NR3C2: variants seen among roughly 807,000 people sequenced by gnomAD.
NR3C2 encodes mineralocorticoid receptor.
Under a neutral mutation model 86.4 loss-of-function variants are expected in NR3C2, and 15 were observed. The observed-to-expected ratio is 0.17, with a 90% confidence interval of 0.12 to 0.27. The LOEUF (loss-of-function observed/expected upper bound fraction) is 0.27. Among genes scored for constraint, NR3C2 ranks in the 10% least tolerant of loss-of-function variants. The pLI is 1.00. For missense variants in NR3C2, 960 were observed against 1,195.6 expected (o/e 0.80, Z 2.91); for synonymous variants, 458 against 450.5 (o/e 1.02, Z -0.21).
intron 4 of NR3C2, among the ~76,000 whole-genome samples, chr4:148,156,664 G>A (rs569937130): frequency 5.1e-4 from 76 of 148,606 alleles, no homozygotes; most frequent in African/African-American, 1.8e-3. Context: ...AACAGGTGCT[G>A]GAGAGGATGT....
At chr4:148,362,248 G>A (rs1383593666) in intron 2 of NR3C2, among the ~76,000 whole-genome samples, 1 of 152,136 alleles carries the variant, frequency 6.6e-6, no homozygotes, top group East Asian at 1.9e-4. Context: ...AAGTTCTAGT[G>A]TTCTGTACCA....
intron 2 of NR3C2, among the ~76,000 whole-genome samples, chr4:148,265,441 T>C (rs554000127): frequency 5.8e-4 from 89 of 152,228 alleles, no homozygotes; most frequent in Non-Finnish European, 1.1e-3. Flanking sequence ...AATTGGCTCA[T>C]TGAGAATCTC....
In NR3C2 at chr4:148,345,408, G is replaced by A. The variant is rs116183850; in HGVS notation, c.1758-85291C>T. ...TTGGCAAGAGTAAAAAAAATACATCGTTTTTCAATGGAAAATAAAATTCAT... is the reference window on the plus strand; with the variant it reads ...TTGGCAAGAGTAAAAAAAATACATCATTTTTCAATGGAAAATAAAATTCAT... On this transcript the variant is annotated intron_variant, in intron 2 of 8. Transcript: ENST00000358102. Among the ~76,000 whole-genome samples, 1,289 of 151,868 alleles carry A rather than the reference G, an allele frequency of 8.5e-3. 21 individuals carry two copies. The highest frequency in any genetic ancestry group is 0.028 in the African/African-American group (1,163 of 41,440).
At chr4:148,403,370 A>C (rs180930171) in intron 2 of NR3C2, among the ~76,000 whole-genome samples, 8 of 152,174 alleles carry the variant, frequency 5.3e-5, no homozygotes, top group Middle Eastern at 6.8e-3. Context: ...TCTTTATTAC[A>C]GACTAAATCC....
intron 8 of NR3C2, among the ~76,000 whole-genome samples, chr4:148,086,065 A>G (rs1412548211): frequency 2.0e-5 from 3 of 152,224 alleles, no homozygotes; most frequent in Non-Finnish European, 4.4e-5. Flanking sequence ...AGGAGCTGGT[A>G]CCATTCCTTC....
At chr4:148,170,305 T>C (rs1735064351) in intron 4 of NR3C2, among the ~76,000 whole-genome samples, 1 of 152,190 alleles carries the variant, frequency 6.6e-6, no homozygotes, top group Non-Finnish European at 1.5e-5. Context: ...ACTAGAAAGA[T>C]CATGAAATAT....
At chr4:148,098,897 C>T (rs1318916453) in intron 8 of NR3C2, among the ~76,000 whole-genome samples, 3 of 152,206 alleles carry the variant, frequency 2.0e-5, no homozygotes, top group South Asian at 2.1e-4. Context: ...GTGTCTCACT[C>T]CTTATGAAAT....
intron 3 of NR3C2, among the ~76,000 whole-genome samples, chr4:148,234,405 C>T (rs187656941): frequency 2.8e-4 from 43 of 152,172 alleles, no homozygotes; most frequent in Non-Finnish European, 5.1e-4. Context: ...GGGGCAGTGG[C>T]TCAAGCCTGT....
intron 2 of NR3C2, among the ~76,000 whole-genome samples, chr4:148,335,411 A>G (rs561965984): frequency 6.6e-6 from 1 of 152,326 alleles, no homozygotes; most frequent in African/African-American, 2.4e-5. Context: ...GTAATGAGAA[A>G]ATTTCTAGAC....
intron 3 of NR3C2, among the ~76,000 whole-genome samples, chr4:148,256,147 A>G (rs1432323632): frequency 6.6e-6 from 1 of 152,196 alleles, no homozygotes; most frequent in Non-Finnish European, 1.5e-5. Context: ...GTAAATCTCA[A>G]CAGTTCAGTC....
intron 8 of NR3C2, among the ~76,000 whole-genome samples, chr4:148,096,877 C>T (rs189776997): frequency 5.9e-5 from 9 of 152,258 alleles, no homozygotes; most frequent in East Asian, 5.8e-4. Flanking sequence ...TACTACGTGG[C>T]GCACTACAGA....
intron 4 of NR3C2, among the ~76,000 whole-genome samples, chr4:148,167,187 G>A (rs983446862): frequency 7.2e-5 from 11 of 152,170 alleles, no homozygotes; most frequent in South Asian, 4.1e-4. Context: ...GTAAGGACAA[G>A]CCGCTCCTGG....
chr4:148,202,478 T>A (rs2149809485), intron 3 of NR3C2, among the ~76,000 whole-genome samples: 1 of 152,366 alleles, frequency 6.6e-6, no homozygotes, highest in African/African-American at 2.4e-5. Context: ...CTGATCCAGC[T>A]GTTCCCTTGC....
At chr4:148,280,722 C>T (rs1442295685) in intron 2 of NR3C2, among the ~76,000 whole-genome samples, 1 of 152,064 alleles carries the variant, frequency 6.6e-6, no homozygotes, top group Non-Finnish European at 1.5e-5. Flanking sequence ...CCAGGCTGGT[C>T]TTGAATTCCT....
intron 7 of NR3C2, among the ~76,000 whole-genome samples, chr4:148,119,081 C>T (rs759112921): frequency 6.6e-6 from 1 of 152,158 alleles, no homozygotes; most frequent in Non-Finnish European, 1.5e-5. Context: ...AAGCCTTCAG[C>T]ATTGCCCTCT....
intron 2 of NR3C2, among the ~76,000 whole-genome samples, chr4:148,334,108 G>A (rs1465525647): frequency 4.6e-5 from 7 of 152,124 alleles, no homozygotes; most frequent in African/African-American, 1.7e-4. Context: ...ACTGACTTGA[G>A]CATAAAGATT....
chr4:148,371,573 G>A (rs976726646), intron 2 of NR3C2, among the ~76,000 whole-genome samples: 1 of 151,478 alleles, frequency 6.6e-6, no homozygotes, highest in Non-Finnish European at 1.5e-5. Context: ...TAGTGACCTT[G>A]TGTGCACCCA....
At chr4:148,220,797 A>G (rs1272088376) in intron 3 of NR3C2, among the ~76,000 whole-genome samples, 1 of 152,178 alleles carries the variant, frequency 6.6e-6, no homozygotes, top group East Asian at 1.9e-4. Context: ...CCCTATCTCT[A>G]AAAAAGAAAA....
chr4:148,273,120 AT>A (rs1445676850), intron 2 of NR3C2, among the ~76,000 whole-genome samples: 1 of 152,186 alleles, frequency 6.6e-6, no homozygotes, highest in Non-Finnish European at 1.5e-5. Flanking sequence ...CCTCCATTTT[AT>A]TAAATGGAAA....
Sources: allele counts gnomAD v4.1 joint callset (sites outside exome capture counted in the v4.1 genomes callset), GRCh38; gene constraint gnomAD v4.1.1; transcripts MANE v1.5; gene names NCBI Gene and HGNC (gene_info 2026-07-23, HGNC 2026-07-21).